The following PRKDC variants were observed in gnomAD, a reference collection of about 807,000 sequenced individuals.
PRKDC encodes the protein DNA-dependent protein kinase catalytic subunit.
Under a neutral mutation model 486.9 loss-of-function variants are expected in PRKDC, and 82 were observed. The observed-to-expected ratio is 0.17, with a 90% CI of 0.14 to 0.20. PRKDC has a LOEUF of 0.20. Ranked by LOEUF, PRKDC falls within the 10% of genes least tolerant of loss-of-function variation. PRKDC has a pLI of 1.00. For synonymous variants in PRKDC, 1,895 were observed against 1,837.0 expected (o/e 1.03, Z -0.81); for missense variants, 4,504 against 5,038.2 (o/e 0.89, Z 3.21).
At chr8:47,870,808 G>C (rs1355012270) in intron 40 of PRKDC, among the ~76,000 whole-genome samples, 1 of 152,150 alleles carries the variant, frequency 6.6e-6, no homozygotes, top group East Asian at 1.9e-4. Context: ...TAGCTGTTTT[G>C]AGGAAGGCCA....
intron 64 of PRKDC, among the ~76,000 whole-genome samples, chr8:47,823,527 T>C (rs918137835): frequency 2.0e-5 from 3 of 151,946 alleles, no homozygotes; most frequent in African/African-American, 7.3e-5. Context: ...TCTTTATAAA[T>C]TGCCCAGTGT....
intron 77 of PRKDC, 125 bp downstream of exon 77, chr8:47,784,988 T>C: frequency 1.0e-6 from 1 of 969,504 alleles, no homozygotes; most frequent in Non-Finnish European, 1.5e-6. Context: ...CGGTGAATTT[T>C]AAAATTCTTT....
chr8:47,936,788 T>TC (rs1188962063), intron 11 of PRKDC, among the ~76,000 whole-genome samples: 1 of 150,792 alleles, frequency 6.6e-6, no homozygotes, highest in Non-Finnish European at 1.5e-5. Flanking sequence ...GGCTATTTTT[T>TC]TTTTTTTTTT....
Position 47,836,408 on chromosome 8 carries a change from A to G in PRKDC, c.7881T>C (p.Ala2627=), listed in dbSNP as rs1448837765. Residue 2627 remains alanine, a synonymous_variant, in exon 58 of 86, where the codon GCT becomes GCC. Coordinates refer to ENST00000314191, the MANE Select transcript of PRKDC (RefSeq NM_006904.7). ...QTRTQEGSLS[A]RWPVAGQIRA... ...TTATCTGCCCTGCCACTGGCCAGCGAGCTGAGAGGGACCCTTCCTGGGTAC... is the reference window on the plus strand; with the variant it reads ...TTATCTGCCCTGCCACTGGCCAGCGGGCTGAGAGGGACCCTTCCTGGGTAC... 3.1e-6 allele frequency: 5 copies of G among 1,612,160 alleles called. No homozygotes were observed. In the African/African-American group the frequency reaches 6.7e-5, roughly 22 times the overall value.
intron 61 of PRKDC, among the ~76,000 whole-genome samples, chr8:47,829,103 T>A (rs2087805775): frequency 1.3e-5 from 2 of 152,244 alleles, no homozygotes; most frequent in African/African-American, 4.8e-5. Context: ...TTGTGTAATC[T>A]TCTAGGGATC....
chr8:47,819,327 A>G (rs2087528617), intron 67 of PRKDC, 75 bp downstream of exon 67: 1 of 969,118 alleles, frequency 1.0e-6, no homozygotes, highest in Non-Finnish European at 1.5e-6. Flanking sequence ...CACTTTCACT[A>G]AGCAGAAAAT....
chr8:47,847,931 A>G (rs1343351138), intron 54 of PRKDC, among the ~76,000 whole-genome samples: 2 of 151,916 alleles, frequency 1.3e-5, no homozygotes, highest in Non-Finnish European at 2.9e-5. Context: ...GAGAAATGCA[A>G]ATGAGATACC....
chr8:47,874,830 A>G lies in PRKDC; in HGVS notation c.5363+2894T>C, dbSNP rs139510087. Among the ~76,000 whole-genome samples, 94 of 151,410 alleles carry G rather than the reference A, an allele frequency of 6.2e-4. 1 individual carries two copies. In the East Asian group the frequency reaches 8.2e-3, roughly 13 times the overall value. On this transcript the variant is annotated intron_variant, in intron 40 of 85. Transcript: ENST00000314191. ...AGCACTTTGGAAGGCCGAGGCAGGC[A>G]GATCGCTTGAGCCCAGGAGTTCAAG... is the stretch of plus-strand genomic sequence containing the variant.
chr8:47,782,506 C>T lies in PRKDC; in HGVS notation c.11268G>A (p.Glu3756=), dbSNP rs2086714541. The T allele has an allele frequency of 6.3e-7, 1 of 1,577,882 alleles. No individual in the cohort carries two copies. The highest frequency in any genetic ancestry group is 8.6e-7 in the Non-Finnish European group (1 of 1,162,252). Residue 3756 remains glutamate, a synonymous_variant, in exon 79 of 86, where the codon GAG becomes GAA. Transcript: ENST00000314191. The surrounding 1 kb of genome is among the most constrained non-coding windows in gnomAD (Gnocchi z 4.9). ...CCACGCGCTGGTCCTGCCGCAGGTC[C>T]TCGCCACCCTTCACCAGGAAAGGGT... is the stretch of plus-strand genomic sequence containing the variant. The part of the protein sequence containing the change: ...REHPFLVKGG[E]DLRQDQRVEQ...
chr8:47,842,218 T>TC (rs2088163995), intron 54 of PRKDC, among the ~76,000 whole-genome samples: 2 of 152,134 alleles, frequency 1.3e-5, no homozygotes, highest in African/African-American at 4.8e-5. Context: ...TGGAAGGGGC[T>TC]CCTCTAAGGC....
chr8:47,953,577 TAC>T, intron 7 of PRKDC, 41 bp downstream of exon 7: 1 of 1,523,092 alleles, frequency 6.6e-7, no homozygotes, highest in Non-Finnish European at 9.0e-7. Context: ...TGGTTAGACT[TAC>T]AGTTTTTGAA....
At chr8:47,783,227 G>T (rs1377271949) in intron 78 of PRKDC, among the ~76,000 whole-genome samples, 2 of 148,056 alleles carry the variant, frequency 1.4e-5, no homozygotes, top group African/African-American at 2.5e-5. Flanking sequence ...GCAACGAGCT[G>T]AGAATGGGCC....
rs751871179 is a variant in PRKDC at position 47,794,382 on chromosome 8, C to G, written c.10578G>C (p.Pro3526=). 6.2e-7 allele frequency: 1 copy of G among 1,613,624 alleles called. No individual in the cohort carries two copies. The highest frequency in any genetic ancestry group is 2.2e-5 in the East Asian group (1 of 44,892). The change falls in exon 74 of 86, where the codon CCG becomes CCC. Residue 3526 remains proline (P), a synonymous_variant. Coordinates refer to ENST00000314191, the MANE Select transcript of PRKDC (RefSeq NM_006904.7). ...HSVEEITDNY[P]QAIVYPFIIS... ...TGATGAAGGGATAAACAATAGCCTG[C>G]GGGTAGTTATCAGTGATTTCTTCCA...
intron 52 of PRKDC, among the ~76,000 whole-genome samples, 175 bp from the exon 53 acceptor site, chr8:47,849,678 A>G (rs1322085091): frequency 1.3e-5 from 2 of 152,210 alleles, no homozygotes; most frequent in African/African-American, 2.4e-5. Flanking sequence ...TACACTGACC[A>G]TCGCACACCC....
chr8:47,779,195 C>T (rs2086658495), intron 80 of PRKDC, 102 bp from the exon 81 acceptor site: 1 of 816,106 alleles, frequency 1.2e-6, no homozygotes, highest in Non-Finnish European at 1.9e-6. Flanking sequence ...AGCAAAGAGG[C>T]AGGAAAAAAT....
At chr8:47,907,405 T>C (rs916143273) in intron 25 of PRKDC, among the ~76,000 whole-genome samples, 2 of 149,532 alleles carry the variant, frequency 1.3e-5, no homozygotes, top group Non-Finnish European at 3.0e-5. Context: ...GCTATATATA[T>C]ATATATACAC....
At chr8:47,810,386 A>G (rs1379846343) in intron 68 of PRKDC, among the ~76,000 whole-genome samples, 1 of 152,224 alleles carries the variant, frequency 6.6e-6, no homozygotes, top group Non-Finnish European at 1.5e-5. Context: ...TAAGAGTACA[A>G]ATTTACAAAT....
At chr8:47,879,742 G>T in intron 38 of PRKDC, 84 bp from the exon 39 acceptor site, 1 of 1,137,370 alleles carries the variant, frequency 8.8e-7, no homozygotes, top group Non-Finnish European at 1.2e-6. Context: ...GTAAGACATT[G>T]CAAATAAAGC....
chr8:47,906,927 C>G (rs1328743912), intron 25 of PRKDC, among the ~76,000 whole-genome samples: 1 of 151,544 alleles, frequency 6.6e-6, no homozygotes, highest in African/African-American at 2.4e-5. Flanking sequence ...AATACCTTCA[C>G]TGGCCTCTAT....
Sources: gnomAD v4.1 joint callset for allele counts (sites outside exome capture counted in the v4.1 genomes callset) on GRCh38, gnomAD v4.1.1 for gene constraint, Gnocchi (gnomAD v3.1) non-coding constraint, MANE v1.5 for transcripts, NCBI Gene and HGNC (gene_info 2026-07-23, HGNC 2026-07-21) for gene names.